The following FAM227A variants were observed in gnomAD, a reference collection of about 807,000 sequenced individuals.
FAM227A encodes protein FAM227A.
A neutral mutation model predicts 74.7 loss-of-function variants in FAM227A; 80 were observed. The observed-to-expected ratio is 1.07, with a 90% confidence interval of 0.89 to 1.29. The LOEUF (loss-of-function observed/expected upper bound fraction) is 1.29. Ranked by LOEUF, FAM227A falls within the 50% of genes most tolerant of loss-of-function variation. FAM227A has a pLI of 0.00. For missense variants in FAM227A, 654 were observed against 683.4 expected (o/e 0.96, Z 0.48); for synonymous variants, 237 against 241.8 (o/e 0.98, Z 0.19).
intron 1 of FAM227A, among the ~76,000 whole-genome samples, chr22:38,651,954 C>T (rs1350891030): frequency 2.0e-5 from 3 of 151,790 alleles, no homozygotes; most frequent in Admixed American, 6.6e-5. Context: ...TTTGGGAGGC[C>T]GAGGCAGGCG....
rs2090717872 is a variant in FAM227A at position 38,582,298 on chromosome 22, A to G, written c.*3827T>C. On this transcript the variant is annotated 3_prime_UTR_variant, in exon 17 of 17. Transcript: ENST00000535113. ...AAAACATACATTTCATCATCAATTC[A>G]TAAGCAATTCAAAATCAGGACTATA... is the stretch of plus-strand genomic sequence containing the variant. The G allele has an allele frequency of 5.3e-6, 8 of 1,516,308 alleles. No homozygotes were observed. Among genetic ancestry groups the G allele is most frequent in the Middle Eastern group, 3.5e-4 (2 of 5,718 alleles). The allele number at this position is 1,516,308 out of a possible 1,614,324, so 93.9% of individuals were successfully genotyped here. A position where few individuals can be genotyped will look rare whatever the true frequency, so the allele number is the denominator to read the frequency against.
intron 12 of FAM227A, among the ~76,000 whole-genome samples, chr22:38,606,926 C>T (rs1441167792): frequency 6.6e-6 from 1 of 152,186 alleles, no homozygotes; most frequent in Non-Finnish European, 1.5e-5. Context: ...CGCCTGTCAT[C>T]CCAGCACTTT....
intron 10 of FAM227A, 111 bp downstream of exon 10, chr22:38,623,059 CGA>C (rs2091724675): frequency 1.4e-6 from 1 of 725,202 alleles, no homozygotes; most frequent in Non-Finnish European, 2.3e-6. Context: ...TGGGGGTACC[CGA>C]GAGAGAACTT....
In FAM227A at chr22:38,629,067, T is replaced by C. The variant is rs1046922921; in HGVS notation, c.520-132A>G. 2.1e-5 allele frequency: 13 copies of C among 605,536 alleles called. 1 individual carries two copies. The highest frequency in any genetic ancestry group is 3.8e-5 in the African/African-American group (2 of 53,308). The allele number at this position is 605,536 out of a possible 1,614,324, so 37.5% of individuals were successfully genotyped here. A position where few individuals can be genotyped will look rare whatever the true frequency, so the allele number is the denominator to read the frequency against. On this transcript the variant is annotated intron_variant, in intron 6 of 16. Transcript: ENST00000535113. ...GAGGCCCTACCCAGGTAATTTTACA[T>C]ACTCTCATTTAACCCCTATAATAGT...
chr22:38,629,553 T>C (rs998600314), intron 6 of FAM227A, among the ~76,000 whole-genome samples: 1 of 152,268 alleles, frequency 6.6e-6, no homozygotes, highest in African/African-American at 2.4e-5. Flanking sequence ...GTTATCCTAC[T>C]GTATAGAAGA....
intron 9 of FAM227A, among the ~76,000 whole-genome samples, chr22:38,625,919 G>T (rs1022751320): frequency 1.3e-5 from 2 of 149,486 alleles, no homozygotes; most frequent in South Asian, 4.3e-4. Flanking sequence ...CTCCAGCCTG[G>T]GTGACCGAGC....
chr22:38,603,005 C>G (rs891288051), intron 13 of FAM227A, among the ~76,000 whole-genome samples: 1 of 152,142 alleles, frequency 6.6e-6, no homozygotes, highest in Non-Finnish European at 1.5e-5. Flanking sequence ...TCCCGAGTAG[C>G]TGGGATTACA....
At chr22:38,607,205 G>A (rs2091303096) in intron 12 of FAM227A, among the ~76,000 whole-genome samples, 184 bp downstream of exon 12, 1 of 149,058 alleles carries the variant, frequency 6.7e-6, no homozygotes, top group Non-Finnish European at 1.5e-5. Context: ...AAAAATCAAT[G>A]CTTATTGAAC....
At position 38,582,891 on chromosome 22, in the gene FAM227A, C is replaced by G. The variant is rs758483858; in HGVS notation, c.*3234G>C. The G allele has an allele frequency of 3.2e-6, 5 of 1,550,464 alleles. No individual in the cohort carries two copies. In the East Asian group the frequency reaches 1.2e-4, roughly 38 times the overall value. ...CTCCTGGTATATTAGGGAAGGCTCC[C>G]AAGATGAGGGACGTCTAAGCGGGGT... is the stretch of plus-strand genomic sequence containing the variant. On this transcript the variant is annotated 3_prime_UTR_variant, in exon 17 of 17. Coordinates refer to ENST00000535113, the MANE Select transcript of FAM227A (RefSeq NM_001013647.2).
intron 9 of FAM227A, among the ~76,000 whole-genome samples, chr22:38,625,761 T>C (rs1273637099): frequency 1.3e-5 from 2 of 151,960 alleles, no homozygotes; most frequent in African/African-American, 2.4e-5. Context: ...CTGACCAACA[T>C]GGTGAAACCC....
Position 38,585,454 on chromosome 22 carries a change from G to A in FAM227A, c.*671C>T, listed in dbSNP as rs1186845726. On this transcript the variant is annotated 3_prime_UTR_variant, in exon 17 of 17. Coordinates refer to ENST00000535113, the MANE Select transcript of FAM227A (RefSeq NM_001013647.2). The stretch of plus-strand genomic sequence containing the variant: ...TTGCCAGGCAGAAAGAGGGCATATT[G>A]GAAATAGGCTGGCAATCCCAGTGGT... 2.0e-5 allele frequency: 3 copies of A among 152,206 alleles called. No homozygotes were observed. Among genetic ancestry groups the A allele is most frequent in the African/African-American group, 7.2e-5 (3 of 41,394 alleles). The allele number at this position is 152,206 out of a possible 1,614,324, so 9.4% of individuals were successfully genotyped here.
rs536517922 is a variant in FAM227A at position 38,585,696 on chromosome 22, TTGAGAACAGGGACTG to T, written c.*414_*428del. 199 of 205,458 alleles carry T rather than the reference TTGAGAACAGGGACTG, an allele frequency of 9.7e-4. No homozygotes were observed. Among genetic ancestry groups the T allele is most frequent in the African/African-American group, 4.4e-3 (191 of 43,866 alleles). The allele number at this position is 205,458 out of a possible 1,614,324, so 12.7% of individuals were successfully genotyped here. On this transcript the variant is annotated 3_prime_UTR_variant, in exon 17 of 17. Transcript: ENST00000535113. ...TTCCCTCTACCAGATGGTGACTCCC[TTGAGAACAGGGACTG>T]TGTCTTATCTACTGTTAATTACCCA...
At chr22:38,641,291 G>C (rs2092108740) in intron 3 of FAM227A, among the ~76,000 whole-genome samples, 1 of 152,176 alleles carries the variant, frequency 6.6e-6, no homozygotes, top group African/African-American at 2.4e-5. Context: ...GCATTTTGGG[G>C]AAGTATTCAA....
intron 11 of FAM227A, among the ~76,000 whole-genome samples, chr22:38,616,477 A>G (rs2091578426): frequency 6.6e-6 from 1 of 152,124 alleles, no homozygotes; most frequent in South Asian, 2.1e-4. Context: ...AGCCTGGCCA[A>G]CATGGTGAAA....
chr22:38,608,097 A>G (rs2091326719), intron 11 of FAM227A, among the ~76,000 whole-genome samples: 2 of 151,346 alleles, frequency 1.3e-5, no homozygotes, highest in Admixed American at 1.3e-4. Context: ...CAGTGGCTCA[A>G]ACTAGGTAGA....
intron 15 of FAM227A, among the ~76,000 whole-genome samples, chr22:38,595,338 T>C (rs1323011335): frequency 6.6e-6 from 1 of 152,114 alleles, no homozygotes; most frequent in Non-Finnish European, 1.5e-5. Context: ...TGGCCAGATA[T>C]TTCCCATGCT....
chr22:38,608,105 A>G (rs140601858), intron 11 of FAM227A, among the ~76,000 whole-genome samples: 1 of 149,356 alleles, frequency 6.7e-6, no homozygotes, highest in Admixed American at 6.7e-5. Flanking sequence ...CAAACTAGGT[A>G]GAAATTTCTC....
At chr22:38,617,896 A>G (rs777195199) in intron 11 of FAM227A, among the ~76,000 whole-genome samples, 1 of 152,174 alleles carries the variant, frequency 6.6e-6, no homozygotes, top group Non-Finnish European at 1.5e-5. Flanking sequence ...ACTTGAATCC[A>G]GGAGGACGCC....
At chr22:38,612,156 C>G (rs1262131479) in intron 11 of FAM227A, among the ~76,000 whole-genome samples, 3 of 152,104 alleles carry the variant, frequency 2.0e-5, no homozygotes, top group Non-Finnish European at 4.4e-5. Flanking sequence ...CTTCTGTGCC[C>G]CTCCAATACA....
Sources: gnomAD v4.1 joint callset for allele counts (sites outside exome capture counted in the v4.1 genomes callset) on GRCh38, gnomAD v4.1.1 for gene constraint, MANE v1.5 for transcripts, NCBI Gene and HGNC (gene_info 2026-07-23, HGNC 2026-07-21) for gene names.